Variants in DGKZ observed in about 807,000 individuals in gnomAD.
DGKZ encodes the protein diacylglycerol kinase zeta.
A neutral mutation model predicts 142.5 loss-of-function variants in DGKZ; 45 were observed. The observed-to-expected ratio is 0.32, with a 90% CI of 0.25 to 0.40. The LOEUF is 0.40. DGKZ is among the 10% of genes least tolerant of loss of function. The pLI, the probability that DGKZ is intolerant of heterozygous loss-of-function variation, is 1.00. For missense variants in DGKZ, 755 were observed against 1,306.5 expected (o/e 0.58, Z 6.51); for synonymous variants, 442 against 527.0 (o/e 0.84, Z 2.21).
chr11:46,366,724 C>T (rs1275514723), intron 1 of DGKZ: 21 of 1,554,608 alleles, frequency 1.4e-5, no homozygotes, highest in Non-Finnish European at 1.7e-5. Flanking sequence ...TGCCCCTACC[C>T]CGCTACCTGC....
chr11:46,374,676 G>T lies in DGKZ; in HGVS notation c.1524+10G>T. ...GCACATCCGAGTGGTGGTGAGCGGGGCCAGGCTGCCGTGGGTGGGTGGGCC... is the reference window on the plus strand; with the variant it reads ...GCACATCCGAGTGGTGGTGAGCGGGTCCAGGCTGCCGTGGGTGGGTGGGCC... On this transcript the variant is annotated intron_variant, in intron 17 of 30. Transcript: ENST00000527911. 6.2e-7 allele frequency: 1 copy of T among 1,600,446 alleles called. No homozygotes were observed.
chr11:46,375,213 C>T (rs1044156190), intron 19 of DGKZ, among the ~76,000 whole-genome samples, 168 bp downstream of exon 19: 10 of 152,170 alleles, frequency 6.6e-5, no homozygotes, highest in Non-Finnish European at 1.0e-4. Flanking sequence ...CACTATGCCT[C>T]GGGATACCTT....
At chr11:46,362,189 G>A (rs1445651609) in intron 1 of DGKZ, among the ~76,000 whole-genome samples, 1 of 152,180 alleles carries the variant, frequency 6.6e-6, no homozygotes, top group East Asian at 1.9e-4. Context: ...AGGTGGGGTC[G>A]CCATGCACCA....
chr11:46,338,572 G>A (rs993244670), intron 1 of DGKZ: 4 of 150,814 alleles, frequency 2.7e-5, no homozygotes, highest in Non-Finnish European at 5.9e-5. Context: ...GGCTGGATGT[G>A]GCCCCGATCC....
At chr11:46,338,072 T>C (rs1461425655) in intron 1 of DGKZ, among the ~76,000 whole-genome samples, 2 of 152,354 alleles carry the variant, frequency 1.3e-5, no homozygotes, top group East Asian at 3.9e-4. Flanking sequence ...AAAGCAGTCA[T>C]AGACAACGTG....
intron 14 of DGKZ, 31 bp from the exon 15 acceptor site, chr11:46,374,126 C>A: frequency 2.5e-6 from 4 of 1,603,404 alleles, no homozygotes; most frequent in Non-Finnish European, 3.4e-6. Flanking sequence ...TGAGGCCCAG[C>A]CCTCATTTTG....
rs537812385 is a variant in DGKZ, at chr11:46,359,434, A to G, written c.162-7857A>G. Among the ~76,000 whole-genome samples the G allele has an allele frequency of 3.9e-5, 6 of 152,296 alleles. No homozygotes were observed. In the East Asian group the frequency reaches 1.2e-3, roughly 29 times the overall value. ...CACTCCAGCCTGGGCGATAAGAGCC[A>G]GACTCCATCTCAAAAATAAAATAAA... On this transcript the variant is annotated intron_variant, in intron 1 of 30. Transcript: ENST00000527911.
chr11:46,339,421 C>T (rs1176048689), intron 1 of DGKZ, among the ~76,000 whole-genome samples: 1 of 152,200 alleles, frequency 6.6e-6, no homozygotes, highest in Non-Finnish European at 1.5e-5. Flanking sequence ...AATTTTCTTT[C>T]CTTTGAAAAG....
chr11:46,364,340 G>A (rs1411875469), intron 1 of DGKZ: 1 of 1,279,344 alleles, frequency 7.8e-7, no homozygotes, highest in Admixed American at 2.3e-5. Context: ...GTTTGTCAGG[G>A]GCTTAGCACA....
chr11:46,379,484 G>A, exon 30 of DGKZ: 2 of 1,610,678 alleles, frequency 1.2e-6, no homozygotes, highest in Non-Finnish European at 1.7e-6. Context: ...AGACCTGTTT[G>A]CACCAAGCAG....
rs974157827 is a variant in DGKZ, at chr11:46,371,638, C to T, written c.759+35C>T. ...GCCTGCACCCTTGATGCCCCGTACG[C>T]ACTTGGGGTCTGCCAGCTACCCCAG... On this transcript the variant is annotated intron_variant, in intron 8 of 30. Coordinates refer to ENST00000527911, the Ensembl canonical transcript of DGKZ. The T allele has an allele frequency of 5.6e-6, 9 of 1,613,476 alleles. No individual in the cohort carries two copies. The East Asian group carries it at 6.7e-5, about 12-fold the overall frequency.
chr11:46,375,161 T>A, intron 19 of DGKZ, 116 bp downstream of exon 19: 1 of 1,033,338 alleles, frequency 9.7e-7, no homozygotes, highest in Middle Eastern at 2.9e-4. Context: ...CCCTTCTTTG[T>A]CTCATTCCTC....
chr11:46,333,431 G>C, exon 1 of DGKZ: 2 of 1,529,358 alleles, frequency 1.3e-6, no homozygotes, highest in Non-Finnish European at 1.8e-6. Context: ...CGGCCGCTGG[G>C]CCCCCGGTGG....
chr11:46,371,242 G>A, intron 6 of DGKZ, 71 bp from the exon 7 acceptor site: 1 of 1,457,112 alleles, frequency 6.9e-7, no homozygotes, highest in African/African-American at 1.4e-5. Context: ...GAGAGAGGCT[G>A]GCACCAGGAG....
At chr11:46,348,306 G>A (rs1388418392) in intron 1 of DGKZ, among the ~76,000 whole-genome samples, 1 of 152,208 alleles carries the variant, frequency 6.6e-6, no homozygotes, top group East Asian at 1.9e-4. Context: ...TCACTGCGTG[G>A]CATCTGCAGA....
At position 46,376,513 on chromosome 11, in the gene DGKZ, C is replaced by T; in HGVS notation, c.2162-11C>T. Reference sequence around the variant, plus strand: ...GCACTCCCTGATCCTCAGCTGCCCTCTCTCCCACAGCCACCACTGCCAGCC... The same window carrying T: ...GCACTCCCTGATCCTCAGCTGCCCTTTCTCCCACAGCCACCACTGCCAGCC... On this transcript the variant is annotated splice_polypyrimidine_tract_variant and intron_variant, in intron 23 of 30. Coordinates refer to ENST00000527911, the Ensembl canonical transcript of DGKZ. The T allele has an allele frequency of 6.2e-7, 1 of 1,613,706 alleles. No individual in the cohort carries two copies. Among genetic ancestry groups the T allele is most frequent in the Non-Finnish European group, 8.5e-7 (1 of 1,179,980 alleles).
chr11:46,376,753 G>C (rs1944592651), intron 24 of DGKZ, 189 bp downstream of exon 24: 1 of 819,244 alleles, frequency 1.2e-6, no homozygotes, highest in Non-Finnish European at 1.9e-6. Flanking sequence ...GTATAGGGCG[G>C]TGCCAGCCAG....
chr11:46,357,945 G>A (rs571256085), intron 1 of DGKZ, among the ~76,000 whole-genome samples: 1 of 152,318 alleles, frequency 6.6e-6, no homozygotes, highest in South Asian at 2.1e-4. Context: ...TTAGAACTAA[G>A]GCTTCGTGTC....
chr11:46,378,216 T>C, exon 26 of DGKZ: 1 of 1,609,248 alleles, frequency 6.2e-7, no homozygotes, highest in Non-Finnish European at 8.5e-7. Flanking sequence ...AAGGGGATGC[T>C]GCACCCCCTC....
Sources: gnomAD v4.1 joint callset for allele counts (sites outside exome capture counted in the v4.1 genomes callset) on GRCh38, gnomAD v4.1.1 for gene constraint, MANE v1.5 for transcripts, NCBI Gene and HGNC (gene_info 2026-07-23, HGNC 2026-07-21) for gene names.